The following ZNF680 variants were observed in gnomAD, a reference collection of about 807,000 sequenced individuals.
The protein encoded by ZNF680 is hypothetical protein FLJ90430.
In ZNF680, 6 loss-of-function variants were observed where a neutral mutation model predicts 12.1. That is an observed-to-expected ratio of 0.49 (90% confidence interval 0.27 to 0.98). The LOEUF is 0.98. ZNF680 is among the 50% of genes least tolerant of loss of function. The pLI is 0.12. For synonymous variants in ZNF680, 170 were observed against 199.3 expected (o/e 0.85, Z 1.24); for missense variants, 561 against 616.3 (o/e 0.91, Z 0.95).
chr7:64,516,229 T>C (rs1007388296), downstream of ZNF680, among the ~76,000 whole-genome samples: 1 of 152,172 alleles, frequency 6.6e-6, no homozygotes, highest in African/African-American at 2.4e-5. Flanking sequence ...TTAATTTTCA[T>C]AAAAATAAAA....
chr7:64,508,142 T>TATATATATATATACACACAC, the ZNF680 span, among the ~76,000 whole-genome samples: 8 of 112,190 alleles, frequency 7.1e-5, no homozygotes, highest in African/African-American at 2.8e-4. Context: ...TATATATATA[T>TATATATATATATACACACAC]ACATAATTTT....
At chr7:64,500,704 T>C in the ZNF680 span, 1 of 254,014 alleles carries the variant, frequency 3.9e-6, no homozygotes, top group African/African-American at 2.3e-5. Flanking sequence ...TGTGGCCACG[T>C]TGCCGACCTC....
At chr7:64,540,981 T>C (rs1786471603) in intron 3 of ZNF680, among the ~76,000 whole-genome samples, 1 of 152,164 alleles carries the variant, frequency 6.6e-6, no homozygotes, top group Non-Finnish European at 1.5e-5. Context: ...GAAATTAGTA[T>C]TTATGTTTTA....
chr7:64,514,654 CTT>C, the ZNF680 span, among the ~76,000 whole-genome samples: 566 of 152,082 alleles, frequency 3.7e-3, 3 homozygotes, highest in Non-Finnish European at 5.3e-3. Context: ...ATAATAAAAA[CTT>C]ATAATATTTA....
chr7:64,543,039 A>T (rs1786590303), intron 3 of ZNF680, among the ~76,000 whole-genome samples: 1 of 151,304 alleles, frequency 6.6e-6, no homozygotes, highest in Admixed American at 6.6e-5. Flanking sequence ...CTATGGATTG[A>T]AAGCATAAAT....
At chr7:64,501,381 G>A in the ZNF680 span, 1 of 1,201,120 alleles carries the variant, frequency 8.3e-7, no homozygotes. Context: ...AGTCTGGAAA[G>A]TTGAAAGGAG....
chr7:64,544,199 G>T, intron 2 of ZNF680, 107 bp downstream of exon 2: 1 of 1,443,192 alleles, frequency 6.9e-7, no homozygotes, highest in South Asian at 1.3e-5. Flanking sequence ...TGAAAACAGG[G>T]ATCTGAAACT....
chr7:64,552,400 T>C (rs1188861275), intron 1 of ZNF680, among the ~76,000 whole-genome samples: 1 of 152,190 alleles, frequency 6.6e-6, no homozygotes. Flanking sequence ...TTTGTTTATA[T>C]GGTGGAACAT....
chr7:64,525,555 G>GT (rs1245748624), intron 3 of ZNF680: 1 of 188,822 alleles, frequency 5.3e-6, no homozygotes, highest in Non-Finnish European at 9.8e-6. Context: ...AAAATTCATA[G>GT]TTTTTTAATG....
intron 3 of ZNF680, chr7:64,526,361 T>C (rs1484404897): frequency 1.6e-6 from 2 of 1,287,614 alleles, no homozygotes; most frequent in African/African-American, 3.1e-5. Flanking sequence ...GTGACAGTGT[T>C]ATGATTCATT....
chr7:64,523,331 A>G (rs1000745691), intron 3 of ZNF680, among the ~76,000 whole-genome samples: 1 of 152,094 alleles, frequency 6.6e-6, no homozygotes, highest in African/African-American at 2.4e-5. Flanking sequence ...TGTATATTGT[A>G]TCCTTTAGAG....
chr7:64,555,345 CAA>C (rs34359779), intron 1 of ZNF680, among the ~76,000 whole-genome samples: 5 of 147,722 alleles, frequency 3.4e-5, no homozygotes, highest in Non-Finnish European at 6.0e-5. Flanking sequence ...AATTCAATAC[CAA>C]AAAAAAAAAC....
chr7:64,522,689 C>G (rs1791611655), intron 3 of ZNF680, among the ~76,000 whole-genome samples, 189 bp from the exon 4 acceptor site: 1 of 149,748 alleles, frequency 6.7e-6, no homozygotes, highest in Non-Finnish European at 1.5e-5. Context: ...AGGATACACA[C>G]AATGATATTT....
chr7:64,505,391 TTATTA>T, the ZNF680 span, among the ~76,000 whole-genome samples: 1 of 152,230 alleles, frequency 6.6e-6, no homozygotes, highest in Non-Finnish European at 1.5e-5. Flanking sequence ...ATTAATAAAT[TTATTA>T]TGTCTTCAAG....
intron 2 of ZNF680, chr7:64,544,069 G>T: frequency 1.6e-6 from 1 of 626,006 alleles, no homozygotes; most frequent in Non-Finnish European, 2.5e-6. Flanking sequence ...TCAAATTTCT[G>T]TAATTACCAC....
chr7:64,506,245 T>C, the ZNF680 span, among the ~76,000 whole-genome samples: 1 of 150,118 alleles, frequency 6.7e-6, no homozygotes, highest in Admixed American at 6.7e-5. Context: ...TGCCCAGGCT[T>C]GAGTGCAGGG....
At position 64,521,577 on chromosome 7, in the gene ZNF680, G is replaced by C; in HGVS notation, c.1177C>G (p.Leu393Val). The C allele has an allele frequency of 6.2e-7, 1 of 1,612,532 alleles. No individual in the cohort carries two copies. The highest frequency in any genetic ancestry group is 8.5e-7 in the Non-Finnish European group (1 of 1,179,668). Residue 393 changes from leucine to valine, a missense_variant, in exon 4 of 4, where the codon CTT becomes GTT. Coordinates refer to ENST00000309683, the MANE Select transcript of ZNF680 (RefSeq NM_178558.5). Reference protein sequence around the residue: ...CGKAFIQSSNLTEHMRIHTGE... With the variant: ...CGKAFIQSSNVTEHMRIHTGE... ...GTATGAATTCTCATATGTTCAGTAA[G>C]GTTTGAGGACTGTATAAAAGCTTTG...
chr7:64,554,290 A>G (rs528280689), intron 1 of ZNF680, among the ~76,000 whole-genome samples: 33,803 of 149,852 alleles, frequency 0.23, 3,977 homozygotes, highest in South Asian at 0.28. Context: ...CCGTCTGGGA[A>G]GTGAGGAGCG....
chr7:64,532,384 A>G (rs939280016), intron 3 of ZNF680, among the ~76,000 whole-genome samples: 1 of 152,192 alleles, frequency 6.6e-6, no homozygotes, highest in Non-Finnish European at 1.5e-5. Context: ...AACTGATACC[A>G]CATTAATACA....
Sources: gnomAD v4.1 joint callset for allele counts (sites outside exome capture counted in the v4.1 genomes callset) on GRCh38, gnomAD v4.1.1 for gene constraint, MANE v1.5 for transcripts, NCBI Gene and HGNC (gene_info 2026-07-23, HGNC 2026-07-21) for gene names.